Variants in OCSTAMP observed in about 807,000 individuals in gnomAD.
OCSTAMP encodes the protein transmembrane protein C20orf123.
In OCSTAMP, 17 loss-of-function variants were observed where a neutral mutation model predicts 25.2. The observed-to-expected ratio is 0.68, with a 90% confidence interval of 0.46 to 1.01. The LOEUF is 1.01. Ranked by LOEUF, OCSTAMP falls within the 50% of genes least tolerant of loss-of-function variation. The pLI is 0.00. For missense variants in OCSTAMP, 664 were observed against 694.6 expected, an observed-to-expected ratio of 0.96 and a Z score of 0.50; for synonymous variants, 345 against 318.9, an observed-to-expected ratio of 1.08 and a Z score of -0.87.
At chr20:46,543,656 A>G (rs1460288736) in intron 2 of OCSTAMP, among the ~76,000 whole-genome samples, 2 of 152,022 alleles carry the variant, frequency 1.3e-5, no homozygotes, top group East Asian at 3.9e-4. Flanking sequence ...CTTTTTATGT[A>G]TACGCGAGAA....
intron 1 of OCSTAMP, among the ~76,000 whole-genome samples, chr20:46,548,358 C>T (rs926229623): frequency 1.3e-5 from 2 of 152,188 alleles, no homozygotes; most frequent in African/African-American, 4.8e-5. Flanking sequence ...GTTTTGGTCA[C>T]TGATATGTCC....
intron 1 of OCSTAMP, 59 bp from the exon 2 acceptor site, chr20:46,546,388 C>T (rs1010114369): frequency 2.0e-5 from 28 of 1,411,402 alleles, no homozygotes; most frequent in Non-Finnish European, 2.5e-5. Context: ...GGGTGTCTGT[C>T]CACTGCCCCT....
chr20:46,545,057 C>T (rs768080492), intron 2 of OCSTAMP, among the ~76,000 whole-genome samples: 2 of 152,192 alleles, frequency 1.3e-5, no homozygotes, highest in African/African-American at 2.4e-5. Flanking sequence ...CAAGCTGCCA[C>T]TTGTGAAGGG....
At position 46,545,840 on chromosome 20, in the gene OCSTAMP, G is replaced by C. The variant is rs574533487; in HGVS notation, c.534C>G (p.Gly178=). 6.4e-7 allele frequency: 1 copy of C among 1,551,350 alleles called. No individual in the cohort carries two copies. Among genetic ancestry groups the C allele is most frequent in the African/African-American group, 1.4e-5 (1 of 73,184 alleles). The change falls in exon 2 of 3, where the codon GGC becomes GGG. Residue 178 remains glycine, a synonymous_variant. Coordinates refer to ENST00000279028, the MANE Select transcript of OCSTAMP (RefSeq NM_080721.3). ...HAASRALGPT[G]QAGSRGLTFE... is the part of the protein sequence containing the mutation. Reference sequence around the variant, plus strand: ...ATGTCAGGCCCCGGCTGCCTGCCTGGCCTGTGGGGCCCAGAGCCCTGGATG... The same window carrying C: ...ATGTCAGGCCCCGGCTGCCTGCCTGCCCTGTGGGGCCCAGAGCCCTGGATG...
intron 1 of OCSTAMP, 59 bp downstream of exon 1, chr20:46,550,458 C>T: frequency 6.8e-7 from 1 of 1,461,248 alleles, no homozygotes. Context: ...ATCCATCACC[C>T]CCAATGGCTG....
rs967244245 is a variant in OCSTAMP, at chr20:46,546,013, G to A, written c.361C>T (p.Leu121=). The stretch of plus-strand genomic sequence containing the variant: ...GTGGCAGTGCTGTAGGACAGGAGCA[G>A]CCGGCGGCCCTGCTCCATACCCAGG... ...PTLGMEQGRR[L]LLSYSTATLA... The change falls in exon 2 of 3, where the codon CTG becomes TTG. Residue 121 remains leucine (L), a synonymous_variant. Transcript: ENST00000279028. 6.4e-6 allele frequency: 10 copies of A among 1,551,280 alleles called. No individual in the cohort carries two copies. In the African/African-American group the frequency reaches 1.4e-4, roughly 21 times the overall value.
At position 46,545,773 on chromosome 20, in the gene OCSTAMP, G is replaced by A. The variant is rs933587794; in HGVS notation, c.601C>T (p.Leu201Phe). The A allele has an allele frequency of 3.2e-6, 5 of 1,551,404 alleles. No individual in the cohort carries two copies. The highest frequency in any genetic ancestry group is 2.7e-5 in the African/African-American group (2 of 73,076). ...TCCAGGACCTGCTGAGTGACCCTGA[G>A]CATGTGAAGGTAGAAGGCAGAGCCA... ...DNGSAFYLHM[L>F]RVTQQVLEDF... Residue 201 changes from leucine (L) to phenylalanine (F), a missense_variant, in exon 2 of 3, where the codon CTC becomes TTC. Coordinates refer to ENST00000279028, the MANE Select transcript of OCSTAMP (RefSeq NM_080721.3).
chr20:46,546,468 G>C, intron 1 of OCSTAMP, 139 bp from the exon 2 acceptor site: 2 of 714,376 alleles, frequency 2.8e-6, no homozygotes, highest in Non-Finnish European at 4.6e-6. Flanking sequence ...GGACCAATCA[G>C]AGTAAGTCAC....
At chr20:46,549,325 C>T (rs1024559349) in intron 1 of OCSTAMP, among the ~76,000 whole-genome samples, 1 of 152,238 alleles carries the variant, frequency 6.6e-6, no homozygotes, top group African/African-American at 2.4e-5. Flanking sequence ...AAATGTTTCA[C>T]TCGAGTCTCC....
intron 1 of OCSTAMP, among the ~76,000 whole-genome samples, chr20:46,548,337 G>A (rs531218924): frequency 1.3e-5 from 2 of 152,236 alleles, no homozygotes; most frequent in African/African-American, 2.4e-5. Context: ...ACCGGAGCAG[G>A]GACTTTGTCC....
intron 2 of OCSTAMP, among the ~76,000 whole-genome samples, chr20:46,544,108 G>A (rs903666778): frequency 2.0e-5 from 3 of 152,202 alleles, no homozygotes; most frequent in Non-Finnish European, 4.4e-5. Flanking sequence ...CTACTTGGAA[G>A]GCAGAGGTAG....
chr20:46,549,545 G>A (rs1285299132), intron 1 of OCSTAMP, among the ~76,000 whole-genome samples: 1 of 152,212 alleles, frequency 6.6e-6, no homozygotes, highest in African/African-American at 2.4e-5. Context: ...GAGTCAGGAA[G>A]GCTCCCTGGA....
intron 1 of OCSTAMP, among the ~76,000 whole-genome samples, chr20:46,549,100 C>G (rs1218605524): frequency 1.3e-5 from 2 of 152,188 alleles, no homozygotes; most frequent in East Asian, 3.8e-4. Flanking sequence ...GGACCACACA[C>G]TAGGAGATGT....
intron 2 of OCSTAMP, among the ~76,000 whole-genome samples, chr20:46,543,904 T>A (rs980249808): frequency 5.3e-5 from 8 of 152,090 alleles, no homozygotes; most frequent in Admixed American, 2.0e-4. Context: ...TACTGTGACC[T>A]ATGGTAAGAA....
chr20:46,541,869 C>G lies in OCSTAMP; in HGVS notation c.1106G>C (p.Ser369Thr). Reference sequence around the variant, plus strand: ...GGAGCTGTGGACGGAGAGGAAGGGGCTCTCCGGAGCCAGCTGGTTGAAGAG... The same window carrying G: ...GGAGCTGTGGACGGAGAGGAAGGGGGTCTCCGGAGCCAGCTGGTTGAAGAG... ...PFLFNQLAPE[S>T]PFLSVHSSYQ... Residue 369 changes from serine to threonine, a missense_variant, in exon 3 of 3, where the codon AGC becomes ACC. Coordinates refer to ENST00000279028, the MANE Select transcript of OCSTAMP (RefSeq NM_080721.3). 2.0e-6 allele frequency: 3 copies of G among 1,465,428 alleles called. No individual in the cohort carries two copies. In the South Asian group the frequency reaches 4.4e-5, roughly 22 times the overall value. The allele number at this position is 1,465,428 out of a possible 1,614,324, so 90.8% of individuals were successfully genotyped here.
intron 2 of OCSTAMP, among the ~76,000 whole-genome samples, chr20:46,543,961 C>A (rs1245979259): frequency 6.6e-6 from 1 of 152,114 alleles, no homozygotes; most frequent in African/African-American, 2.4e-5. Flanking sequence ...GTAATCCCAA[C>A]ACTTTGGGAG....
At chr20:46,550,455 AC>A (rs1241260461) in intron 1 of OCSTAMP, 61 bp downstream of exon 1, 52 of 1,432,706 alleles carry the variant, frequency 3.6e-5, no homozygotes. Context: ...CATATCCATC[AC>A]CCCCAATGGC....
Position 46,546,019 on chromosome 20 carries a change from G to T in OCSTAMP, c.355C>A (p.Arg119Ser). ...SVPTLGMEQGRRLLLSYSTAT... is the reference protein window; with the variant it reads ...SVPTLGMEQGSRLLLSYSTAT... Reference sequence around the variant, plus strand: ...GTGCTGTAGGACAGGAGCAGCCGGCGGCCCTGCTCCATACCCAGGGTGGGC... The same window carrying T: ...GTGCTGTAGGACAGGAGCAGCCGGCTGCCCTGCTCCATACCCAGGGTGGGC... The change falls in exon 2 of 3, where the codon CGC becomes AGC. Residue 119 changes from arginine (R) to serine (S), a missense_variant. By Grantham distance (110) the Arg-to-Ser change is moderately radical (BLOSUM62 -1). Transcript: ENST00000279028. 6.4e-7 allele frequency: 1 copy of T among 1,551,396 alleles called. No homozygotes were observed. Among genetic ancestry groups the T allele is most frequent in the Non-Finnish European group, 8.7e-7 (1 of 1,146,982 alleles).
At position 46,541,754 on chromosome 20, in the gene OCSTAMP, G is replaced by C. The variant is rs3092514; in HGVS notation, c.1221C>G (p.Ala407=). ...PRAAAPLAAG[A]LQLLAGSTVL... is the part of the protein sequence containing the mutation. ...CCGTGGAGCCCGCCAGGAGCTGCAG[G>C]GCCCCCGCGGCCAGCGGGGCAGCTG... is the stretch of plus-strand genomic sequence containing the variant. The change falls in exon 3 of 3, where the codon GCC becomes GCG. Residue 407 remains alanine (A), a synonymous_variant. Coordinates refer to ENST00000279028, the MANE Select transcript of OCSTAMP (RefSeq NM_080721.3). 733 of 1,537,190 alleles carry C rather than the reference G, an allele frequency of 4.8e-4. 1 individual carries two copies. In the African/African-American group the frequency reaches 9.0e-3, roughly 19 times the overall value.
Sources: gnomAD v4.1 joint callset for allele counts (sites outside exome capture counted in the v4.1 genomes callset) on GRCh38, gnomAD v4.1.1 for gene constraint, MANE v1.5 for transcripts, NCBI Gene and HGNC (gene_info 2026-07-23, HGNC 2026-07-21) for gene names.